Variants in PREX1 observed in about 807,000 individuals in gnomAD.
PREX1 encodes the protein phosphatidylinositol-3,4,5-trisphosphate dependent Rac exchange factor 1, also known as phosphatidylinositol 3,4,5-trisphosphate-dependent Rac exchanger 1 protein.
PREX1 carries 41 observed loss-of-function variants against 198.3 expected under a neutral mutation model. The ratio of observed to expected loss-of-function variants is 0.21; its 90% CI spans 0.16 to 0.27. PREX1 has a LOEUF of 0.27. PREX1 is among the 10% of genes least tolerant of loss of function. The pLI, the probability that PREX1 is intolerant of heterozygous loss-of-function variation, is 1.00. For synonymous variants in PREX1, 843 were observed against 887.2 expected (o/e 0.95, Z 0.89); for missense variants, 1,620 against 2,200.7 (o/e 0.74, Z 5.28).
intron 1 of PREX1, among the ~76,000 whole-genome samples, chr20:48,756,879 C>T (rs1473660238): frequency 6.6e-6 from 1 of 152,150 alleles, no homozygotes; most frequent in Non-Finnish European, 1.5e-5. Context: ...ACAATCAAGG[C>T]AGAAGGCAAA....
chr20:48,656,312 G>A (rs970222025), intron 18 of PREX1, among the ~76,000 whole-genome samples: 1 of 151,746 alleles, frequency 6.6e-6, no homozygotes, highest in Non-Finnish European at 1.5e-5. Context: ...CACCTCCTCA[G>A]CTCCCCCGAG....
rs758955703 is a variant in PREX1, at chr20:48,629,526, G to A, written c.4689C>T (p.Gly1563=). Residue 1563 remains glycine, a synonymous_variant, in exon 37 of 40, where the codon GGC becomes GGT. Coordinates refer to ENST00000371941, the MANE Select transcript of PREX1 (RefSeq NM_020820.4). ...KPGAAGSVGA[G]LIPISSELCY... ...AGAGCTCCGAGGAGATGGGGATGAG[G>A]CCGGCGCCCACACTCCCAGCAGCAC... is the stretch of plus-strand genomic sequence containing the variant. 6.2e-7 allele frequency: 1 copy of A among 1,614,118 alleles called. No individual in the cohort carries two copies. The highest frequency in any genetic ancestry group is 8.5e-7 in the Non-Finnish European group (1 of 1,179,960).
chr20:48,864,689 G>T, the PREX1 span, among the ~76,000 whole-genome samples: 2 of 152,164 alleles, frequency 1.3e-5, no homozygotes, highest in Admixed American at 6.5e-5. Context: ...TCAGATGGAG[G>T]GTTAGGGACA....
chr20:48,729,956 C>T (rs1413719778), intron 4 of PREX1, among the ~76,000 whole-genome samples: 1 of 152,070 alleles, frequency 6.6e-6, no homozygotes, highest in African/African-American at 2.4e-5. Flanking sequence ...GGAGAAGACA[C>T]CAAAGAAGGC....
At position 48,778,777 on chromosome 20, in the gene PREX1, T is replaced by C. The variant is rs145868658; in HGVS notation, c.220-30897A>G. Among the ~76,000 whole-genome samples, 905 of 152,312 alleles carry C rather than the reference T, an allele frequency of 5.9e-3. 3 individuals carry two copies. The highest frequency in any genetic ancestry group is 8.7e-3 in the Non-Finnish European group (593 of 68,026). Reference sequence around the variant, plus strand: ...AGAGAAAGGACAGTCTTTTAAACTGTTGCTTTAAACCAATGATCTTGGAAC... The same window carrying C: ...AGAGAAAGGACAGTCTTTTAAACTGCTGCTTTAAACCAATGATCTTGGAAC... On this transcript the variant is annotated intron_variant, in intron 1 of 39. Transcript: ENST00000371941.
At chr20:48,799,615 A>C (rs955998432) in intron 1 of PREX1, among the ~76,000 whole-genome samples, 1 of 152,178 alleles carries the variant, frequency 6.6e-6, no homozygotes, top group Admixed American at 6.5e-5. Context: ...AATACAGCCA[A>C]AGACTGGAGG....
intron 15 of PREX1, among the ~76,000 whole-genome samples, chr20:48,665,561 T>G (rs1319736860): frequency 1.3e-5 from 2 of 152,200 alleles, no homozygotes; most frequent in Non-Finnish European, 2.9e-5. Context: ...CCATGTAACC[T>G]TGAGAAAGTT....
At chr20:48,734,833 T>A (rs2090050068) in intron 3 of PREX1, among the ~76,000 whole-genome samples, 183 bp from the exon 4 acceptor site, 1 of 152,148 alleles carries the variant, frequency 6.6e-6, no homozygotes, top group Non-Finnish European at 1.5e-5. Context: ...CCTCCACTCT[T>A]GCCCCAGGTC....
chr20:48,833,435 TTTTC>T, the PREX1 span, among the ~76,000 whole-genome samples: 3 of 123,034 alleles, frequency 2.4e-5, no homozygotes, highest in African/African-American at 9.1e-5. Flanking sequence ...TCACCCTATC[TTTTC>T]TTTCTTTTTT....
the PREX1 span, among the ~76,000 whole-genome samples, chr20:48,871,084 G>C: frequency 3.6e-4 from 2 of 5,520 alleles, no homozygotes; most frequent in Admixed American, 1.5e-3. Flanking sequence ...GTATGATTTT[G>C]GGTAATTTAC....
chr20:48,818,501 C>T (rs990406610), intron 1 of PREX1, among the ~76,000 whole-genome samples: 2 of 152,210 alleles, frequency 1.3e-5, no homozygotes, highest in Non-Finnish European at 2.9e-5. Context: ...CCTCTGACTG[C>T]GTAAGGAGAA....
the PREX1 span, among the ~76,000 whole-genome samples, chr20:48,836,152 G>A: frequency 5.3e-5 from 8 of 152,302 alleles, no homozygotes; most frequent in East Asian, 1.9e-4. Context: ...AAGATGGAGC[G>A]TTTGGTTTTG....
In PREX1 at chr20:48,687,947, T is replaced by C. The variant is rs557760333; in HGVS notation, c.1334+710A>G. Among the ~76,000 whole-genome samples, 125 of 152,294 alleles carry C rather than the reference T, an allele frequency of 8.2e-4. 1 individual carries two copies. The highest frequency in any genetic ancestry group is 7.4e-5 in the Non-Finnish European group (5 of 68,026). On this transcript the variant is annotated intron_variant, in intron 10 of 39. Transcript: ENST00000371941. ...AGAAGCTTCCCTCGCCCCTCACATG[T>C]AACTCAGGAAGAGACGCCTCACCAG...
chr20:48,755,736 A>C (rs777610009), intron 1 of PREX1, among the ~76,000 whole-genome samples: 5 of 152,246 alleles, frequency 3.3e-5, no homozygotes, highest in Non-Finnish European at 7.3e-5. Context: ...ATAAACTTTC[A>C]TCACATTTAA....
intron 1 of PREX1, among the ~76,000 whole-genome samples, chr20:48,823,868 T>C (rs905723347): frequency 4.6e-5 from 7 of 152,210 alleles, no homozygotes; most frequent in African/African-American, 1.7e-4. Flanking sequence ...GGCAATGCTG[T>C]CCACCTGACC....
chr20:48,871,822 G>A, the PREX1 span, among the ~76,000 whole-genome samples: 114 of 148,462 alleles, frequency 7.7e-4, no homozygotes, highest in African/African-American at 2.7e-3. Flanking sequence ...TTAGAGTCAG[G>A]TCCAGCTCAC....
chr20:48,845,067 CAT>C, the PREX1 span, among the ~76,000 whole-genome samples: 320 of 152,336 alleles, frequency 2.1e-3, no homozygotes, highest in African/African-American at 7.4e-3. Context: ...TGATTTCTCT[CAT>C]GAGTGATCCT....
At chr20:48,791,925 G>A (rs116337169) in intron 1 of PREX1, among the ~76,000 whole-genome samples, 1,572 of 152,308 alleles carry the variant, frequency 0.01, 21 homozygotes, top group African/African-American at 0.036. Context: ...TACCGGGCTC[G>A]AGTTCCCGCA....
rs2090515101 is a variant in PREX1, at chr20:48,827,528, G to GGC, written c.219+112_219+113dup. On this transcript the variant is annotated intron_variant, in intron 1 of 39. Transcript: ENST00000371941. This position sits in a 1 kb window ranked among gnomAD's most constrained non-coding sequence, Gnocchi z 4.1. Reference sequence around the variant, plus strand: ...CCCCCGCTTTCCGCGCGCCCTGCGGGGCGCCCCCGAGGCAATTCTCCACCC... The same window carrying GGC: ...CCCCCGCTTTCCGCGCGCCCTGCGGGGCGCGCCCCCGAGGCAATTCTCCACCC... 4 of 813,248 alleles carry GGC rather than the reference G, an allele frequency of 4.9e-6. No individual in the cohort carries two copies. The highest frequency in any genetic ancestry group is 3.3e-6 in the Non-Finnish European group (2 of 614,966). The allele number at this position is 813,248 out of a possible 1,614,324, so 50.4% of individuals were successfully genotyped here. A position where few individuals can be genotyped will look rare whatever the true frequency, so the allele number is the denominator to read the frequency against.
Sources: gnomAD v4.1 joint callset for allele counts (sites outside exome capture counted in the v4.1 genomes callset) on GRCh38, gnomAD v4.1.1 for gene constraint, Gnocchi (gnomAD v3.1) non-coding constraint, MANE v1.5 for transcripts, NCBI Gene and HGNC (gene_info 2026-07-23, HGNC 2026-07-21) for gene names.